Variants in KDM2B observed in about 807,000 individuals in gnomAD.
KDM2B encodes lysine-specific demethylase 2B.
In KDM2B, 26 loss-of-function variants were observed where a neutral mutation model predicts 150.0. That is an observed-to-expected ratio of 0.17 (90% CI 0.13 to 0.24). KDM2B has a LOEUF of 0.24. Ranked by LOEUF, KDM2B falls within the 10% of genes least tolerant of loss-of-function variation. The probability of loss-of-function intolerance (pLI) is 1.00; values close to 1 mark genes in which losing one functional copy is unlikely to be tolerated. For missense variants in KDM2B, 1,265 were observed against 1,816.9 expected (o/e 0.70, Z 5.52); for synonymous variants, 734 against 729.5 (o/e 1.01, Z -0.10).
intron 22 of KDM2B, among the ~76,000 whole-genome samples, chr12:121,431,923 G>C (rs1334739263): frequency 1.0e-5 from 1 of 98,676 alleles, no homozygotes; most frequent in African/African-American, 4.1e-5. Flanking sequence ...TGCTCTTGTT[G>C]CCCAGGCTGG....
At chr12:121,536,371 T>G (rs1888096030) in intron 6 of KDM2B, 1 of 152,368 alleles carries the variant, frequency 6.6e-6, no homozygotes, top group African/African-American at 2.4e-5. Context: ...CGGAGGGGTG[T>G]AGTTGACAGC....
rs1877559499 is a variant in KDM2B at position 121,452,980 on chromosome 12, C to T, written c.1959+140G>A. On this transcript the variant is annotated intron_variant, in intron 13 of 22. Transcript: ENST00000377071. This position sits in a 1 kb window ranked among gnomAD's most constrained non-coding sequence, Gnocchi z 4.4. ...GCGAAGCGGCCAGCGCCTTCCCGTC[C>T]ACAGGAAGAGCTCTCGGGGAGTCCA... is the stretch of plus-strand genomic sequence containing the variant. 29 of 778,100 alleles carry T rather than the reference C, an allele frequency of 3.7e-5. No individual in the cohort carries two copies. The South Asian group carries it at 5.1e-4, about 14-fold the overall frequency. 48.2% of individuals were successfully genotyped at this position (778,100 alleles called of 1,614,324 possible).
the KDM2B span, among the ~76,000 whole-genome samples, chr12:121,413,524 G>GGGATTCT: frequency 2.0e-5 from 3 of 148,196 alleles, no homozygotes; most frequent in South Asian, 2.2e-4. Context: ...CGATTCTCCT[G>GGGATTCT]CCTCAGCCTC....
Position 121,509,467 on chromosome 12 carries a change from T to A in KDM2B, c.1647+100A>T. The A allele has an allele frequency of 2.0e-6, 3 of 1,521,646 alleles. No individual in the cohort carries two copies. In the South Asian group the frequency reaches 3.9e-5, roughly 20 times the overall value. The allele number at this position is 1,521,646 out of a possible 1,614,324, so 94.3% of individuals were successfully genotyped here. On this transcript the variant is annotated intron_variant, in intron 11 of 22. Coordinates refer to ENST00000377071, the MANE Select transcript of KDM2B (RefSeq NM_032590.5). ...GCGCCCACCCGAATGCTCAGAGCAA[T>A]CTGCACAGAGCCATCGTGAGCTGAG...
At chr12:121,443,910 C>T in intron 16 of KDM2B, 102 bp downstream of exon 16, 1 of 1,476,270 alleles carries the variant, frequency 6.8e-7, no homozygotes, top group South Asian at 1.3e-5. Flanking sequence ...CGGGATTATC[C>T]CAAGCTCTAC....
chr12:121,534,182 T>C (rs1194196595), intron 7 of KDM2B, among the ~76,000 whole-genome samples: 1 of 152,074 alleles, frequency 6.6e-6, no homozygotes, highest in Non-Finnish European at 1.5e-5. Flanking sequence ...ACCCCGTCTC[T>C]ACTAAAAATA....
the KDM2B span, chr12:121,420,838 GTTGT>G: frequency 5.3e-6 from 7 of 1,310,542 alleles, no homozygotes; most frequent in South Asian, 8.6e-5. Context: ...TAAAAACTGG[GTTGT>G]TTTTGTCACA....
At chr12:121,566,781 G>A (rs1890734522) in intron 4 of KDM2B, among the ~76,000 whole-genome samples, 1 of 152,150 alleles carries the variant, frequency 6.6e-6, no homozygotes, top group South Asian at 2.1e-4. Flanking sequence ...GGGCTACAGA[G>A]CAAGACTCTG....
the KDM2B span, among the ~76,000 whole-genome samples, chr12:121,419,386 C>T: frequency 4.6e-5 from 7 of 152,328 alleles, no homozygotes; most frequent in African/African-American, 1.7e-4. Context: ...GTCTCCTAGT[C>T]GTCAAGCAAC....
intron 8 of KDM2B, among the ~76,000 whole-genome samples, chr12:121,526,834 C>T (rs1328680439): frequency 6.6e-6 from 1 of 152,036 alleles, no homozygotes; most frequent in Non-Finnish European, 1.5e-5. Flanking sequence ...GAGTTCAAGA[C>T]CAGCCTGGGC....
At chr12:121,477,579 CTTT>C (rs35681515) in intron 12 of KDM2B, among the ~76,000 whole-genome samples, 1 of 134,774 alleles carries the variant, frequency 7.4e-6, no homozygotes. Context: ...TTTGTCTTTC[CTTT>C]TTTTTTTTTT....
rs781855094 is a variant in KDM2B, at chr12:121,444,123, C to T, written c.2340G>A (p.Glu780=). ...CEEAPRRRSD[E]HSKKVPPDGL... ...CGTCCGGCGGCACCTTCTTCGAGTG[C>T]TCATCCGACCTGCGCCGGGGCGCCT... The change falls in exon 16 of 23, where the codon GAG becomes GAA. Residue 780 remains glutamate, a synonymous_variant. Coordinates refer to ENST00000377071, the MANE Select transcript of KDM2B (RefSeq NM_032590.5). 5.6e-6 allele frequency: 9 copies of T among 1,613,228 alleles called. No homozygotes were observed. The highest frequency in any genetic ancestry group is 1.6e-4 in the Middle Eastern group (1 of 6,084).
intron 1 of KDM2B, chr12:121,579,571 C>T (rs782078376): frequency 4.9e-4 from 631 of 1,295,308 alleles, no homozygotes; most frequent in Non-Finnish European, 5.9e-4. Context: ...GAGAGGCAGA[C>T]GGCCCGCCAC....
chr12:121,540,397 G>A (rs1279887816), intron 6 of KDM2B, among the ~76,000 whole-genome samples: 3 of 152,120 alleles, frequency 2.0e-5, no homozygotes, highest in Non-Finnish European at 4.4e-5. Context: ...GGTTAAGGGT[G>A]AATGTGCAAT....
Position 121,549,408 on chromosome 12 carries a change from A to T in KDM2B, c.576+52T>A. ...CAACCCAGGTGGCAGGGGGACAGGG[A>T]AGGAGATGAGGTGGAAGGTATCTGG... On this transcript the variant is annotated intron_variant, in intron 5 of 22. Transcript: ENST00000377071. The surrounding 1 kb of genome is among the most constrained non-coding windows in gnomAD (Gnocchi z 4.4). 6.7e-7 allele frequency: 1 copy of T among 1,491,190 alleles called. No individual in the cohort carries two copies. The allele number at this position is 1,491,190 out of a possible 1,614,324, so 92.4% of individuals were successfully genotyped here.
At chr12:121,571,270 T>C (rs1298778983) in intron 4 of KDM2B, among the ~76,000 whole-genome samples, 2 of 152,164 alleles carry the variant, frequency 1.3e-5, no homozygotes, top group Non-Finnish European at 2.9e-5. Context: ...GCATTGTGAA[T>C]ATATTAAAAC....
intron 4 of KDM2B, among the ~76,000 whole-genome samples, chr12:121,553,157 G>A (rs1229566534): frequency 4.0e-5 from 6 of 151,844 alleles, no homozygotes; most frequent in East Asian, 1.9e-4. Flanking sequence ...GCGTGAACCC[G>A]GGAGGCGGGG....
At position 121,491,751 on chromosome 12, in the gene KDM2B, A is replaced by G. The variant is rs143227844; in HGVS notation, c.1734+2828T>C. ...GGAGGTGGCAGTGAGCCGAGATTGC[A>G]CCACTGCACTCCAGCCTGGTGACAA... On this transcript the variant is annotated intron_variant, in intron 12 of 22. Transcript: ENST00000377071. Among the ~76,000 whole-genome samples the G allele has an allele frequency of 3.3e-4, 49 of 148,696 alleles. No homozygotes were observed. The East Asian group carries it at 7.7e-3, about 23-fold the overall frequency.
rs573565507 is a variant in KDM2B at position 121,431,272 on chromosome 12, T to C, written c.3830-803A>G. On this transcript the variant is annotated intron_variant, in intron 22 of 22. Transcript: ENST00000377071. ...TCAGCCTCCTGAGTAGCTGGAATTA[T>C]AGGCGTGTGCCACCATGTGCAACTT... Among the ~76,000 whole-genome samples the C allele has an allele frequency of 4.7e-4, 71 of 150,022 alleles. No homozygotes were observed. In the Middle Eastern group the frequency reaches 0.01, roughly 22 times the overall value.
Sources: allele counts gnomAD v4.1 joint callset (sites outside exome capture counted in the v4.1 genomes callset), GRCh38; gene constraint gnomAD v4.1.1; non-coding constraint Gnocchi (gnomAD v3.1); transcripts MANE v1.5; gene names NCBI Gene and HGNC (gene_info 2026-07-23, HGNC 2026-07-21).